Variants in ELF2 observed in about 807,000 individuals in gnomAD.
ELF2 encodes ETS-related transcription factor Elf-2.
Under a neutral mutation model 54.8 loss-of-function variants are expected in ELF2, and 11 were observed. The ratio of observed to expected loss-of-function variants is 0.20; its 90% CI spans 0.13 to 0.33. The LOEUF is 0.33. Ranked by LOEUF, ELF2 falls within the 10% of genes least tolerant of loss-of-function variation. The pLI is 1.00. For synonymous variants in ELF2, 203 were observed against 245.1 expected (o/e 0.83, Z 1.61); for missense variants, 513 against 703.0 (o/e 0.73, Z 3.06).
At chr4:139,107,838 A>G (rs1734568426) in intron 4 of ELF2, among the ~76,000 whole-genome samples, 1 of 152,202 alleles carries the variant, frequency 6.6e-6, no homozygotes, top group African/African-American at 2.4e-5. Flanking sequence ...TAAAACTGAT[A>G]AATACCGGAA....
In ELF2 at chr4:139,086,739, A is replaced by G. The variant is rs140286978; in HGVS notation, c.239-13172T>C. On this transcript the variant is annotated intron_variant, in intron 4 of 9. Coordinates refer to ENST00000686138, the MANE Select transcript of ELF2 (RefSeq NM_001331036.3). ...ACCAAGGGTGAAAGTCTTAGAGACAATATGATACACAAGACTGCTTATATA... is the reference window on the plus strand; with the variant it reads ...ACCAAGGGTGAAAGTCTTAGAGACAGTATGATACACAAGACTGCTTATATA... Among the ~76,000 whole-genome samples, 399 of 152,356 alleles carry G rather than the reference A, an allele frequency of 2.6e-3. 1 individual carries two copies. The highest frequency in any genetic ancestry group is 9.1e-3 in the African/African-American group (379 of 41,576).
At chr4:139,073,749 TA>T in intron 4 of ELF2, 182 bp from the exon 5 acceptor site, 2 of 340,766 alleles carry the variant, frequency 5.9e-6, no homozygotes, top group Non-Finnish European at 1.0e-5. Context: ...AAATAATTTT[TA>T]AAAAGCTAAT....
intron 4 of ELF2, among the ~76,000 whole-genome samples, chr4:139,095,355 T>C (rs1057059958): frequency 6.6e-6 from 1 of 152,068 alleles, no homozygotes; most frequent in African/African-American, 2.4e-5. Context: ...CAGCTAATTT[T>C]TGTATTTTCA....
chr4:139,060,246 C>T (rs547043654), intron 9 of ELF2, 78 bp downstream of exon 9: 235 of 1,320,626 alleles, frequency 1.8e-4, no homozygotes, highest in Middle Eastern at 1.4e-3. Context: ...TAATATTAAG[C>T]AAAAGGACAT....
intron 7 of ELF2, among the ~76,000 whole-genome samples, chr4:139,063,304 T>G (rs1020704412): frequency 6.6e-6 from 1 of 151,986 alleles, no homozygotes; most frequent in African/African-American, 2.4e-5. Context: ...AAAAACAGAT[T>G]TAAAAAAATT....
chr4:139,101,883 A>T (rs752996075), intron 4 of ELF2: 7 of 152,166 alleles, frequency 4.6e-5, no homozygotes, highest in African/African-American at 7.2e-5. Context: ...ATTAAAAACA[A>T]ATGTAATTCT....
chr4:139,098,968 C>G (rs1461149125), intron 4 of ELF2, among the ~76,000 whole-genome samples: 1 of 152,158 alleles, frequency 6.6e-6, no homozygotes, highest in Non-Finnish European at 1.5e-5. Flanking sequence ...ATTTTATTCT[C>G]CTTTGTTGCC....
chr4:139,150,302 G>A (rs536975193), intron 1 of ELF2, among the ~76,000 whole-genome samples: 1 of 150,846 alleles, frequency 6.6e-6, no homozygotes, highest in African/African-American at 2.4e-5. Flanking sequence ...GGGTGGCAGA[G>A]GTTGCAGTAA....
chr4:139,074,867 T>C (rs1730068326), intron 4 of ELF2, among the ~76,000 whole-genome samples: 1 of 152,112 alleles, frequency 6.6e-6, no homozygotes, highest in South Asian at 2.1e-4. Flanking sequence ...ATAAGGGACT[T>C]GACTGAGCAT....
chr4:139,124,448 C>T (rs948051671), intron 4 of ELF2, among the ~76,000 whole-genome samples: 2 of 152,094 alleles, frequency 1.3e-5, no homozygotes, highest in Admixed American at 1.3e-4. Flanking sequence ...AGAATTTTTA[C>T]TAGGATTAAA....
At chr4:139,132,011 G>A (rs1737538290) in intron 3 of ELF2, among the ~76,000 whole-genome samples, 1 of 152,048 alleles carries the variant, frequency 6.6e-6, no homozygotes. Flanking sequence ...TATTTATTTA[G>A]CATATACATT....
intron 4 of ELF2, among the ~76,000 whole-genome samples, chr4:139,080,620 G>A (rs142874631): frequency 5.9e-5 from 9 of 151,940 alleles, no homozygotes; most frequent in African/African-American, 2.2e-4. Context: ...AATAAGAAAA[G>A]ACAAATAAAG....
intron 1 of ELF2, among the ~76,000 whole-genome samples, chr4:139,152,620 C>T (rs1740117370): frequency 6.6e-6 from 1 of 152,076 alleles, no homozygotes; most frequent in African/African-American, 2.4e-5. Context: ...TGTGAGCCAC[C>T]AGGCAGAGCC....
In ELF2 at chr4:139,078,866, C is replaced by T. The variant is rs1012812830; in HGVS notation, c.239-5299G>A. ...ATATTTGAAATTACAAAGAAAACTT[C>T]AAAATTATTAATTCATTTAAAATAA... On this transcript the variant is annotated intron_variant, in intron 4 of 9. Coordinates refer to ENST00000686138, the MANE Select transcript of ELF2 (RefSeq NM_001331036.3). 2.0e-5 allele frequency among the ~76,000 whole-genome samples: 3 copies of T among 152,124 alleles called. No individual in the cohort carries two copies. The East Asian group carries it at 5.8e-4, about 29-fold the overall frequency.
intron 1 of ELF2, among the ~76,000 whole-genome samples, chr4:139,167,557 A>G (rs1043193004): frequency 1.3e-5 from 2 of 152,202 alleles, no homozygotes; most frequent in African/African-American, 4.8e-5. Flanking sequence ...AAGAAAAACT[A>G]CTGTATCTAT....
At chr4:139,068,333 T>C (rs572536025) in intron 6 of ELF2, among the ~76,000 whole-genome samples, 48 of 152,346 alleles carry the variant, frequency 3.2e-4, no homozygotes, top group Non-Finnish European at 6.0e-4. Flanking sequence ...CAATCTTTTA[T>C]ATTAGTGTAG....
chr4:139,154,672 C>T (rs991339154), intron 1 of ELF2, among the ~76,000 whole-genome samples: 1 of 151,914 alleles, frequency 6.6e-6, no homozygotes, highest in Non-Finnish European at 1.5e-5. Flanking sequence ...TTATGTTGAA[C>T]TTTACCCTGA....
At chr4:139,143,096 C>CTAAA (rs1336222265) in intron 1 of ELF2, among the ~76,000 whole-genome samples, 1 of 152,072 alleles carries the variant, frequency 6.6e-6, no homozygotes, top group Non-Finnish European at 1.5e-5. Context: ...GGAACCCTGG[C>CTAAA]TAAAGGCTTA....
chr4:139,092,816 T>A (rs984319957), intron 4 of ELF2, among the ~76,000 whole-genome samples: 1 of 151,318 alleles, frequency 6.6e-6, no homozygotes, highest in African/African-American at 2.4e-5. Flanking sequence ...AATAAATAAA[T>A]AAAAATAATA....
Sources: gnomAD v4.1 joint callset for allele counts (sites outside exome capture counted in the v4.1 genomes callset) on GRCh38, gnomAD v4.1.1 for gene constraint, MANE v1.5 for transcripts, NCBI Gene and HGNC (gene_info 2026-07-23, HGNC 2026-07-21) for gene names.